The following FUT8 variants were observed in gnomAD, a reference collection of about 807,000 sequenced individuals.
The protein encoded by FUT8 is fucosyltransferase 8, also known as alpha-(1,6)-fucosyltransferase.
FUT8 carries 29 observed loss-of-function variants against 71.3 expected under a neutral mutation model. The observed-to-expected ratio is 0.41, with a 90% CI of 0.30 to 0.55. The LOEUF (loss-of-function observed/expected upper bound fraction) is 0.55, where lower values mean the gene tolerates loss of function less well. Ranked by LOEUF, FUT8 falls within the 20% of genes least tolerant of loss-of-function variation. The pLI is 0.34. For missense variants in FUT8, 544 were observed against 702.1 expected (o/e 0.77, Z 2.55); for synonymous variants, 254 against 239.3 (o/e 1.06, Z -0.57).
chr14:65,423,657 CA>C (rs1189749332), intron 1 of FUT8, among the ~76,000 whole-genome samples: 1 of 152,156 alleles, frequency 6.6e-6, no homozygotes, highest in Non-Finnish European at 1.5e-5. Flanking sequence ...TTTTTAAAGC[CA>C]AAACTCTTTC....
the FUT8 span, among the ~76,000 whole-genome samples, chr14:65,357,459 A>T: frequency 6.6e-6 from 1 of 152,324 alleles, no homozygotes; most frequent in South Asian, 2.1e-4. Context: ...AGAATACTCG[A>T]ACAGAGGCTA....
intron 7 of FUT8, among the ~76,000 whole-genome samples, chr14:65,700,483 T>C (rs1024855560): frequency 1.2e-4 from 16 of 136,194 alleles, no homozygotes; most frequent in Middle Eastern, 3.9e-3. Flanking sequence ...CTCCGCCTCC[T>C]GCGTACACAC....
At chr14:65,656,395 C>T (rs1891684286) in intron 6 of FUT8, among the ~76,000 whole-genome samples, 1 of 151,872 alleles carries the variant, frequency 6.6e-6, no homozygotes, top group African/African-American at 2.4e-5. Flanking sequence ...GCAATAGCTA[C>T]AAATAAAATT....
chr14:65,446,304 A>G (rs2065740246), intron 1 of FUT8, among the ~76,000 whole-genome samples: 2 of 152,280 alleles, frequency 1.3e-5, no homozygotes, highest in South Asian at 2.1e-4. Flanking sequence ...TATGCCCTGT[A>G]GATTTTCAGC....
chr14:65,724,850 A>G (rs747645836), intron 9 of FUT8, among the ~76,000 whole-genome samples: 5 of 152,082 alleles, frequency 3.3e-5, no homozygotes, highest in Admixed American at 6.5e-5. Context: ...ATGTCTCCAC[A>G]TATAAGGACA....
At chr14:65,390,151 GAAAATAAAAAATA>G in the FUT8 span, among the ~76,000 whole-genome samples, 3 of 149,836 alleles carry the variant, frequency 2.0e-5, no homozygotes, top group Admixed American at 6.7e-5. Flanking sequence ...GTCTCAAAAA[GAAAATAAAAAATA>G]AAAATAAAAA....
intron 6 of FUT8, among the ~76,000 whole-genome samples, chr14:65,655,527 G>A (rs532203620): frequency 3.4e-5 from 5 of 145,252 alleles, no homozygotes; most frequent in Non-Finnish European, 7.6e-5. Context: ...AGACAGAATA[G>A]ACTTCAGAGC....
chr14:65,743,424 TAAC>T lies in FUT8; in HGVS notation c.*1015_*1017del, dbSNP rs1183989154. 1.3e-5 allele frequency: 2 copies of T among 151,926 alleles called. No homozygotes were observed. Among genetic ancestry groups the T allele is most frequent in the African/African-American group, 4.8e-5 (2 of 41,408 alleles). 9.4% of individuals were successfully genotyped at this position (151,926 alleles called of 1,614,324 possible). A position where few individuals can be genotyped will look rare whatever the true frequency, so the allele number is the denominator to read the frequency against. On this transcript the variant is annotated 3_prime_UTR_variant, in exon 11 of 11. Transcript: ENST00000673929. The stretch of plus-strand genomic sequence containing the variant: ...TTGTTTTAATTGAGTGAAATAATCA[TAAC>T]TCCTTGCTCCCAGAGAAGCTATCAC...
chr14:65,364,657 A>G, the FUT8 span, among the ~76,000 whole-genome samples: 1 of 152,194 alleles, frequency 6.6e-6, no homozygotes, highest in Non-Finnish European at 1.5e-5. Flanking sequence ...TGAAAGCCTC[A>G]AGAACCTGCC....
At chr14:65,724,065 C>T in intron 8 of FUT8, 82 bp from the exon 9 acceptor site, 1 of 1,020,656 alleles carries the variant, frequency 9.8e-7, no homozygotes, top group Non-Finnish European at 1.4e-6. Flanking sequence ...TATAATGCCA[C>T]CATAAGTAGG....
rs1283289826 is a variant in FUT8 at position 65,468,524 on chromosome 14, TTTACC to T, written c.-228+12808_-228+12812del. On this transcript the variant is annotated intron_variant, in intron 2 of 10. Coordinates refer to ENST00000673929, the MANE Select transcript of FUT8 (RefSeq NM_001371533.1). ...TTTTCTGTGTGTGTTGATTTTTTTC[TTTACC>T]TCTTGCTTCTTTCGAGATATCTTAT... 2.0e-5 allele frequency among the ~76,000 whole-genome samples: 3 copies of T among 152,164 alleles called. No individual in the cohort carries two copies. In the East Asian group the frequency reaches 5.8e-4, roughly 29 times the overall value.
At chr14:65,488,127 T>C (rs2066435419) in intron 2 of FUT8, among the ~76,000 whole-genome samples, 1 of 152,074 alleles carries the variant, frequency 6.6e-6, no homozygotes, top group Non-Finnish European at 1.5e-5. Context: ...CAGCCTGCAG[T>C]GTGTCTTGGA....
intron 2 of FUT8, among the ~76,000 whole-genome samples, chr14:65,459,166 T>TA (rs537251161): frequency 8.5e-5 from 13 of 152,188 alleles, no homozygotes; most frequent in Non-Finnish European, 1.8e-4. Flanking sequence ...AGAGAATAGT[T>TA]ATCTGTTCAA....
intron 1 of FUT8, among the ~76,000 whole-genome samples, chr14:65,417,837 A>G (rs1037148441): frequency 6.6e-6 from 1 of 152,200 alleles, no homozygotes; most frequent in African/African-American, 2.4e-5. Context: ...ACTGGAATAA[A>G]AGAAAAACTT....
At chr14:65,414,676 G>C (rs574053178) in intron 1 of FUT8, among the ~76,000 whole-genome samples, 1 of 152,256 alleles carries the variant, frequency 6.6e-6, no homozygotes, top group East Asian at 1.9e-4. Context: ...GAGATGAATA[G>C]GCTATAAGAC....
At chr14:65,579,958 A>G (rs1886989307) in intron 3 of FUT8, among the ~76,000 whole-genome samples, 1 of 151,956 alleles carries the variant, frequency 6.6e-6, no homozygotes, top group African/African-American at 2.4e-5. Context: ...CCCTATTCTG[A>G]TCCTTGAGAA....
chr14:65,630,202 A>G (rs1445611551), intron 6 of FUT8, among the ~76,000 whole-genome samples: 1 of 152,184 alleles, frequency 6.6e-6, no homozygotes, highest in African/African-American at 2.4e-5. Flanking sequence ...ACAGAGGTTA[A>G]GGTTTATGGT....
At chr14:65,676,925 A>G in intron 7 of FUT8, among the ~76,000 whole-genome samples, 1 of 152,216 alleles carries the variant, frequency 6.6e-6, no homozygotes, top group East Asian at 1.9e-4. Context: ...TATGATGTGA[A>G]TCTGTAATTT....
rs73284170 is a variant in FUT8, at chr14:65,520,716, T to G, written c.-227-40621T>G. Among the ~76,000 whole-genome samples, 1,450 of 152,250 alleles carry G rather than the reference T, an allele frequency of 9.5e-3. 23 individuals are homozygous for G. Among genetic ancestry groups the G allele is most frequent in the African/African-American group, 0.033 (1,382 of 41,560 alleles). Reference sequence around the variant, plus strand: ...AAACTATGTCTATGGTTCTGTTTAGTAACATTTTAGATGATATTATTTAAA... The same window carrying G: ...AAACTATGTCTATGGTTCTGTTTAGGAACATTTTAGATGATATTATTTAAA... On this transcript the variant is annotated intron_variant, in intron 2 of 10. Transcript: ENST00000673929.
Sources: allele counts gnomAD v4.1 joint callset (sites outside exome capture counted in the v4.1 genomes callset), GRCh38; gene constraint gnomAD v4.1.1; transcripts MANE v1.5; gene names NCBI Gene and HGNC (gene_info 2026-07-23, HGNC 2026-07-21).